SHC3: variants seen among roughly 807,000 people sequenced by gnomAD.
The protein encoded by SHC3 is SHC adaptor protein 3, also known as SHC-transforming protein 3.
Under a neutral mutation model 60.4 loss-of-function variants are expected in SHC3, and 15 were observed. The ratio of observed to expected loss-of-function variants is 0.25; its 90% confidence interval spans 0.17 to 0.38. The LOEUF (loss-of-function observed/expected upper bound fraction) is 0.38, where lower values mean the gene tolerates loss of function less well. Ranked by LOEUF, SHC3 falls within the 10% of genes least tolerant of loss-of-function variation. The pLI is 1.00. For synonymous variants in SHC3, 294 were observed against 325.9 expected, an observed-to-expected ratio of 0.90 and a Z score of 1.05; for missense variants, 677 against 786.1, an observed-to-expected ratio of 0.86 and a Z score of 1.66.
intron 2 of SHC3, among the ~76,000 whole-genome samples, chr9:89,095,667 A>AT (rs1825690736): frequency 6.6e-6 from 1 of 152,104 alleles, no homozygotes; most frequent in Non-Finnish European, 1.5e-5. Flanking sequence ...AAAAAAAACC[A>AT]TTATTCCCGG....
At chr9:89,055,822 A>G (rs1824939724) in intron 6 of SHC3, among the ~76,000 whole-genome samples, 1 of 152,254 alleles carries the variant, frequency 6.6e-6, no homozygotes, top group Admixed American at 6.5e-5. Context: ...CTTCTCACTC[A>G]TGCCTACCAC....
chr9:89,088,030 C>T (rs1825560309), intron 2 of SHC3, among the ~76,000 whole-genome samples: 1 of 152,304 alleles, frequency 6.6e-6, no homozygotes, highest in South Asian at 2.1e-4. Flanking sequence ...TGTAGAAAAT[C>T]CCCTTCTCTT....
rs79610943 is a variant in SHC3, at chr9:89,098,529, G to C, written c.545+14027C>G. 1.3e-3 allele frequency among the ~76,000 whole-genome samples: 196 copies of C among 152,232 alleles called. 1 individual carries two copies. The highest frequency in any genetic ancestry group is 4.7e-3 in the African/African-American group (194 of 41,528). On this transcript the variant is annotated intron_variant, in intron 2 of 11. Transcript: ENST00000375835. ...TCAAATAGTTCAGAAAAAAATTTAG[G>C]CTGGGCACATGGCTCACGCCTGTAA... is the stretch of plus-strand genomic sequence containing the variant.
intron 1 of SHC3, among the ~76,000 whole-genome samples, chr9:89,170,588 T>C (rs1564196170): frequency 6.6e-6 from 1 of 152,130 alleles, no homozygotes; most frequent in Non-Finnish European, 1.5e-5. Flanking sequence ...AAGGCTACAG[T>C]GAGCCATGAT....
chr9:89,164,346 G>C (rs1826754169), intron 1 of SHC3, among the ~76,000 whole-genome samples: 1 of 152,130 alleles, frequency 6.6e-6, no homozygotes, highest in African/African-American at 2.4e-5. Context: ...TATGTGAGCT[G>C]AGTCTTGAAG....
At chr9:89,135,289 T>C (rs1331001669) in intron 1 of SHC3, among the ~76,000 whole-genome samples, 2 of 152,084 alleles carry the variant, frequency 1.3e-5, no homozygotes, top group East Asian at 3.9e-4. Context: ...TGACCTGTGG[T>C]AAGTAAAGAA....
intron 7 of SHC3, 35 bp downstream of exon 7, chr9:89,052,002 T>C (rs770937620): frequency 1.9e-6 from 3 of 1,609,548 alleles, no homozygotes; most frequent in Admixed American, 1.7e-5. Flanking sequence ...AAAACCCACA[T>C]AGGCTATTGC....
At chr9:89,034,675 A>G (rs1312568581) in intron 11 of SHC3, among the ~76,000 whole-genome samples, 1 of 152,238 alleles carries the variant, frequency 6.6e-6, no homozygotes, top group African/African-American at 2.4e-5. Context: ...ATAACATGCC[A>G]CTTACAACAG....
chr9:89,132,108 A>G (rs532794536), intron 1 of SHC3, among the ~76,000 whole-genome samples: 4 of 152,274 alleles, frequency 2.6e-5, no homozygotes, highest in Admixed American at 1.3e-4. Context: ...ATTCCTCTAC[A>G]CCATTAACAG....
At chr9:89,160,367 C>A (rs549327929) in intron 1 of SHC3, among the ~76,000 whole-genome samples, 1 of 152,200 alleles carries the variant, frequency 6.6e-6, no homozygotes, top group African/African-American at 2.4e-5. Context: ...TTTCTGATAA[C>A]CCCAGCCCAC....
At chr9:89,149,354 T>C (rs1273587300) in intron 1 of SHC3, among the ~76,000 whole-genome samples, 1 of 152,226 alleles carries the variant, frequency 6.6e-6, no homozygotes, top group African/African-American at 2.4e-5. Context: ...TGAACTTCAT[T>C]GTAAAATAAA....
intron 9 of SHC3, among the ~76,000 whole-genome samples, chr9:89,044,313 T>C (rs1824737691): frequency 6.6e-6 from 1 of 152,242 alleles, no homozygotes; most frequent in Admixed American, 6.5e-5. Flanking sequence ...AGGCAGAACA[T>C]GTGGTGGCTT....
chr9:89,080,956 T>G (rs943664940), intron 2 of SHC3, among the ~76,000 whole-genome samples: 10 of 151,892 alleles, frequency 6.6e-5, no homozygotes, highest in African/African-American at 2.4e-4. Flanking sequence ...TTAGTAGACA[T>G]GGGGTTTCAC....
At chr9:89,112,534 G>C (rs181202572) in intron 2 of SHC3, 22 bp downstream of exon 2, 1 of 1,603,002 alleles carries the variant, frequency 6.2e-7, no homozygotes, top group Non-Finnish European at 8.5e-7. Context: ...AATCACAGGA[G>C]TCCATTTTCA....
intron 1 of SHC3, among the ~76,000 whole-genome samples, chr9:89,126,663 A>T (rs899873769): frequency 8.5e-5 from 13 of 152,164 alleles, no homozygotes; most frequent in Admixed American, 7.9e-4. Context: ...CCCTTGATGC[A>T]GGGAATATTT....
At chr9:89,126,156 G>C (rs1826162419) in intron 1 of SHC3, among the ~76,000 whole-genome samples, 1 of 152,092 alleles carries the variant, frequency 6.6e-6, no homozygotes, top group Non-Finnish European at 1.5e-5. Flanking sequence ...CTGACTATGG[G>C]TAAGCAGAGT....
chr9:89,097,105 T>C (rs557467270), intron 2 of SHC3, among the ~76,000 whole-genome samples: 5 of 28,078 alleles, frequency 1.8e-4, no homozygotes, highest in African/African-American at 9.5e-4. Flanking sequence ...CTCGCTCTCA[T>C]GAAAAAAAAA....
chr9:89,119,081 G>A (rs1233785151), intron 1 of SHC3, among the ~76,000 whole-genome samples: 1 of 152,172 alleles, frequency 6.6e-6, no homozygotes, highest in African/African-American at 2.4e-5. Context: ...AGCATGCCAA[G>A]CGCTGTTCAG....
chr9:89,040,180 A>ACCAT (rs1564092894), intron 10 of SHC3, among the ~76,000 whole-genome samples: 2 of 4,804 alleles, frequency 4.2e-4, no homozygotes, highest in East Asian at 7.8e-3. Context: ...ATCACTATCA[A>ACCAT]CACCACCACC....
Sources: allele counts gnomAD v4.1 joint callset (sites outside exome capture counted in the v4.1 genomes callset), GRCh38; gene constraint gnomAD v4.1.1; transcripts MANE v1.5; gene names NCBI Gene and HGNC (gene_info 2026-07-23, HGNC 2026-07-21).